Variants in CRAMP1 observed in about 807,000 individuals in gnomAD.
CRAMP1 encodes protein cramped-like.
In CRAMP1, 50 loss-of-function variants were observed where a neutral mutation model predicts 115.4. That is an observed-to-expected ratio of 0.43 (90% CI 0.35 to 0.55). The LOEUF (loss-of-function observed/expected upper bound fraction) is 0.55, where lower values mean the gene tolerates loss of function less well. Ranked by LOEUF, CRAMP1 falls within the 20% of genes least tolerant of loss-of-function variation. CRAMP1 has a pLI of 0.01. For synonymous variants in CRAMP1, 866 were observed against 745.4 expected (o/e 1.16, Z -2.64); for missense variants, 1,679 against 1,721.7 (o/e 0.98, Z 0.44).
intron 5 of CRAMP1, among the ~76,000 whole-genome samples, chr16:1,639,163 C>CT (rs1295082079): frequency 2.6e-5 from 4 of 152,070 alleles, no homozygotes; most frequent in Non-Finnish European, 5.9e-5. Flanking sequence ...TTGCCTGGTC[C>CT]TTTTGCACCA....
In CRAMP1 at chr16:1,662,746, G is replaced by T; in HGVS notation, c.2596-15G>T. ...GAGAGTGCACCTTCAGGTGCCGGAC[G>T]CTGCTCCCTTACAGATGCAGTCGGA... On this transcript the variant is annotated splice_polypyrimidine_tract_variant and intron_variant, in intron 12 of 20. Transcript: ENST00000397412. 1 of 1,613,816 alleles carries T rather than the reference G, an allele frequency of 6.2e-7. No homozygotes were observed.
rs2036880469 is a variant in CRAMP1, at chr16:1,666,815, AC to A, written c.3036+216del. ...GGTGGGGACAGGCTTGCCATGTGGCACTGGAGAACTCAGAGCTAAGACGGTG... is the reference window on the plus strand; with the variant it reads ...GGTGGGGACAGGCTTGCCATGTGGCATGGAGAACTCAGAGCTAAGACGGTG... On this transcript the variant is annotated intron_variant, in intron 16 of 20. Coordinates refer to ENST00000397412, the MANE Select transcript of CRAMP1 (RefSeq NM_020825.4). This position sits in a 1 kb window ranked among gnomAD's most constrained non-coding sequence, Gnocchi z 5.0. Among the ~76,000 whole-genome samples the A allele has an allele frequency of 6.6e-6, 1 of 152,252 alleles. No homozygotes were observed.
chr16:1,630,207 G>T (rs1216837110), intron 3 of CRAMP1, among the ~76,000 whole-genome samples: 1 of 152,092 alleles, frequency 6.6e-6, no homozygotes, highest in Non-Finnish European at 1.5e-5. Context: ...GGAGTGCAGG[G>T]CTGCCATCTT....
At position 1,676,997 on chromosome 16, in the gene CRAMP1, C is replaced by G. The variant is rs976797555; in HGVS notation, c.*2952C>G. 6.6e-6 allele frequency: 1 copy of G among 152,520 alleles called. No individual in the cohort carries two copies. The highest frequency in any genetic ancestry group is 1.5e-5 in the Non-Finnish European group (1 of 68,050). 9.4% of individuals were successfully genotyped at this position (152,520 alleles called of 1,614,324 possible). On this transcript the variant is annotated 3_prime_UTR_variant, in exon 21 of 21. Coordinates refer to ENST00000397412, the MANE Select transcript of CRAMP1 (RefSeq NM_020825.4). Reference sequence around the variant, plus strand: ...AGTTTAATAGCATCTTTAATTAGATCACAGCATTGAATTCAAAATTTCTTC... The same window carrying G: ...AGTTTAATAGCATCTTTAATTAGATGACAGCATTGAATTCAAAATTTCTTC...
chr16:1,637,574 G>C (rs554015396), intron 4 of CRAMP1, among the ~76,000 whole-genome samples: 1 of 152,236 alleles, frequency 6.6e-6, no homozygotes, highest in East Asian at 1.9e-4. Context: ...TCCTCCAGGG[G>C]ACATTTCCTC....
rs1596479508 is a variant in CRAMP1, at chr16:1,614,665, G to A, written c.26G>A (p.Gly9Asp). MTVKLGDGGSGEDGLKKLG... is the reference protein window; with the variant it reads MTVKLGDGDSGEDGLKKLG... ...ATGACAGTGAAGTTGGGCGACGGCG[G>A]CAGCGGGGAGGACGGGCTCAAGAAG... Residue 9 changes from glycine to aspartate, a missense_variant, in exon 2 of 21, where the codon GGC becomes GAC. Gly to Asp is a moderately conservative substitution (Grantham distance 94, BLOSUM62 -1). Coordinates refer to ENST00000397412, the MANE Select transcript of CRAMP1 (RefSeq NM_020825.4). This position sits in a 1 kb window ranked among gnomAD's most constrained non-coding sequence, Gnocchi z 4.4. The A allele has an allele frequency of 3.9e-6, 5 of 1,294,264 alleles. No homozygotes were observed. The highest frequency in any genetic ancestry group is 6.4e-5 in the East Asian group (2 of 31,446). 80.2% of individuals were successfully genotyped at this position (1,294,264 alleles called of 1,614,324 possible). A position where few individuals can be genotyped will look rare whatever the true frequency, so the allele number is the denominator to read the frequency against.
chr16:1,638,731 A>C lies in CRAMP1; in HGVS notation c.778+824A>C, dbSNP rs561907172. Among the ~76,000 whole-genome samples the C allele has an allele frequency of 2.6e-5, 4 of 152,270 alleles. No individual in the cohort carries two copies. In the South Asian group the frequency reaches 8.3e-4, roughly 32 times the overall value. Reference sequence around the variant, plus strand: ...CACGCCAGCTAGCATGTCACAGCTCAGGGCGGGTGGTGGGGCTGAGAGGAC... The same window carrying C: ...CACGCCAGCTAGCATGTCACAGCTCCGGGCGGGTGGTGGGGCTGAGAGGAC... On this transcript the variant is annotated intron_variant, in intron 5 of 20. Coordinates refer to ENST00000397412, the MANE Select transcript of CRAMP1 (RefSeq NM_020825.4).
chr16:1,617,960 T>C (rs1300901434), intron 2 of CRAMP1, among the ~76,000 whole-genome samples: 1 of 152,186 alleles, frequency 6.6e-6, no homozygotes, highest in Non-Finnish European at 1.5e-5. Context: ...CAACCTAAAC[T>C]CAAGGTAAGC....
chr16:1,629,754 CTT>C (rs2036534584), intron 3 of CRAMP1, among the ~76,000 whole-genome samples: 1 of 152,218 alleles, frequency 6.6e-6, no homozygotes, highest in Non-Finnish European at 1.5e-5. Flanking sequence ...TGCTTCGCCT[CTT>C]TATGCTTTAT....
chr16:1,675,423 T>G lies in CRAMP1; in HGVS notation c.*1378T>G, dbSNP rs2036959374. ...GCAGCCGGGATTGATTGTGCTTTCC[T>G]AACCCCCTTGGACCTACTCTCCCTC... On this transcript the variant is annotated 3_prime_UTR_variant, in exon 21 of 21. Transcript: ENST00000397412. 6.6e-6 allele frequency: 1 copy of G among 152,660 alleles called. No individual in the cohort carries two copies. The highest frequency in any genetic ancestry group is 2.4e-5 in the African/African-American group (1 of 41,446). 9.5% of individuals were successfully genotyped at this position (152,660 alleles called of 1,614,324 possible).
Position 1,656,278 on chromosome 16 carries a change from C to G in CRAMP1, c.1521C>G (p.Asp507Glu). ...CTGCCCTAAGCTTGAGCAGCCCGGA[C>G]GCTCCTGACAGGCCTCCTCCCAGGC... ...EGAALSLSSP[D>E]APDRPPPRHQ... is the part of the protein sequence containing the mutation. Residue 507 changes from aspartate to glutamate, a missense_variant, in exon 10 of 21, where the codon GAC (aspartate) becomes GAG (glutamate). Around this residue, in one of 8 missense-constraint regions of CRAMP1, gnomAD observed 405 missense variants for 302.6 expected, o/e 1.34. Transcript: ENST00000397412. This position sits in a 1 kb window ranked among gnomAD's most constrained non-coding sequence, Gnocchi z 5.6. 1 of 1,611,780 alleles carries G rather than the reference C, an allele frequency of 6.2e-7. No homozygotes were observed. The highest frequency in any genetic ancestry group is 8.5e-7 in the Non-Finnish European group (1 of 1,179,720).
chr16:1,635,018 C>A (rs2036576036), intron 4 of CRAMP1, among the ~76,000 whole-genome samples: 1 of 152,158 alleles, frequency 6.6e-6, no homozygotes, highest in Non-Finnish European at 1.5e-5. Flanking sequence ...CATGCCTCAG[C>A]CTCCCGAGTA....
chr16:1,628,300 C>T (rs556195194), intron 3 of CRAMP1, among the ~76,000 whole-genome samples: 12 of 152,322 alleles, frequency 7.9e-5, no homozygotes, highest in Non-Finnish European at 1.3e-4. Context: ...GTTGCTCAGG[C>T]TGGAGCGCAG....
At chr16:1,654,808 A>G (rs2036755549) in intron 8 of CRAMP1, among the ~76,000 whole-genome samples, 1 of 152,196 alleles carries the variant, frequency 6.6e-6, no homozygotes, top group Non-Finnish European at 1.5e-5. Context: ...AGGTTCACCC[A>G]TCATAGCGCA....
intron 4 of CRAMP1, among the ~76,000 whole-genome samples, chr16:1,633,317 G>A (rs1038867025): frequency 6.6e-6 from 1 of 152,228 alleles, no homozygotes; most frequent in Non-Finnish European, 1.5e-5. Flanking sequence ...GAGCCCTGAG[G>A]GCCGCAGACA....
rs765589851 is a variant in CRAMP1, at chr16:1,665,109, T to G, written c.2723T>G (p.Phe908Cys). 1 of 1,613,144 alleles carries G rather than the reference T, an allele frequency of 6.2e-7. No homozygotes were observed. Among genetic ancestry groups the G allele is most frequent in the East Asian group, 2.2e-5 (1 of 44,884 alleles). The change falls in exon 14 of 21, where the codon TTC (phenylalanine) becomes TGC (cysteine). Residue 908 changes from phenylalanine (F) to cysteine (C), a missense_variant. Around this residue, in one of 8 missense-constraint regions of CRAMP1, gnomAD observed 709 missense variants for 741.9 expected, o/e 0.96. Coordinates refer to ENST00000397412, the MANE Select transcript of CRAMP1 (RefSeq NM_020825.4). ...SENQSHNVCS[F>C]SILSNSSVTG... Reference sequence around the variant, plus strand: ...AACCAGTCCCACAACGTTTGTTCCTTCTCCATCCTGTCTAACTCTTCCGTA... The same window carrying G: ...AACCAGTCCCACAACGTTTGTTCCTGCTCCATCCTGTCTAACTCTTCCGTA...
At chr16:1,637,527 C>G (rs890361758) in intron 4 of CRAMP1, among the ~76,000 whole-genome samples, 1 of 152,232 alleles carries the variant, frequency 6.6e-6, no homozygotes, top group Non-Finnish European at 1.5e-5. Context: ...CATCTGCCAC[C>G]TTCACGAGTA....
In CRAMP1 at chr16:1,653,026, A is replaced by G; in HGVS notation, c.914-7A>G. The G allele has an allele frequency of 1.2e-6, 2 of 1,613,504 alleles. No homozygotes were observed. The highest frequency in any genetic ancestry group is 1.7e-6 in the Non-Finnish European group (2 of 1,179,726). On this transcript the variant is annotated splice_region_variant and splice_polypyrimidine_tract_variant and intron_variant, in intron 7 of 20. Coordinates refer to ENST00000397412, the MANE Select transcript of CRAMP1 (RefSeq NM_020825.4). ...CACTAAACTTTCATGGTTCTTCTGC[A>G]TTGCAGGCTTGAGTGATGAAGAGGA...
chr16:1,668,120 G>A lies in CRAMP1; in HGVS notation c.3261G>A (p.Ala1087=), dbSNP rs768415901. The A allele has an allele frequency of 2.4e-5, 38 of 1,613,392 alleles. No homozygotes were observed. The highest frequency in any genetic ancestry group is 3.1e-5 in the Non-Finnish European group (36 of 1,179,892). Residue 1087 remains alanine (A), a synonymous_variant, in exon 18 of 21, where the codon GCG becomes GCA. Coordinates refer to ENST00000397412, the MANE Select transcript of CRAMP1 (RefSeq NM_020825.4). The part of the protein sequence containing the change: ...DISLPGPPED[A]LSQGEPATHI... Reference sequence around the variant, plus strand: ...CCCTGCCCGGCCCACCTGAGGATGCGCTGTCACAGGGCGAGCCTGCCACAC... The same window carrying A: ...CCCTGCCCGGCCCACCTGAGGATGCACTGTCACAGGGCGAGCCTGCCACAC...
Sources: allele counts gnomAD v4.1 joint callset (sites outside exome capture counted in the v4.1 genomes callset), GRCh38; gene constraint gnomAD v4.1.1; regional missense constraint gnomAD v4.1.1; non-coding constraint Gnocchi (gnomAD v3.1); transcripts MANE v1.5; gene names NCBI Gene and HGNC (gene_info 2026-07-23, HGNC 2026-07-21).